SND1: variants seen among roughly 807,000 people sequenced by gnomAD.
The protein encoded by SND1 is staphylococcal nuclease and tudor domain containing 1.
In SND1, 38 loss-of-function variants were observed where a neutral mutation model predicts 121.7. That is an observed-to-expected ratio of 0.31 (90% CI 0.24 to 0.41). The LOEUF (loss-of-function observed/expected upper bound fraction) is 0.41. Ranked by LOEUF, SND1 falls within the 10% of genes least tolerant of loss-of-function variation. The pLI, the probability that SND1 is intolerant of heterozygous loss-of-function variation, is 1.00. For missense variants in SND1, 868 were observed against 1,184.6 expected, an observed-to-expected ratio of 0.73 and a Z score of 3.92; for synonymous variants, 401 against 447.4, an observed-to-expected ratio of 0.90 and a Z score of 1.31.
At chr7:127,745,273 T>C (rs1796960697) in intron 10 of SND1, among the ~76,000 whole-genome samples, 1 of 152,196 alleles carries the variant, frequency 6.6e-6, no homozygotes, top group African/African-American at 2.4e-5. Flanking sequence ...CATGTTGCAG[T>C]GCTGAATACT....
intron 16 of SND1, 89 bp downstream of exon 16, chr7:127,991,145 T>G (rs1316333892): frequency 2.4e-6 from 2 of 841,692 alleles, no homozygotes; most frequent in African/African-American, 1.7e-5. Context: ...AGTCTGTTGT[T>G]TTTTCCACTG....
intron 10 of SND1, among the ~76,000 whole-genome samples, chr7:127,802,892 A>G (rs915111004): frequency 9.2e-5 from 14 of 152,044 alleles, no homozygotes; most frequent in African/African-American, 3.4e-4. Context: ...TTCATTCCTA[A>G]CGTTCCATCC....
At chr7:127,999,279 G>A (rs1232646681) in intron 16 of SND1, 1 of 151,800 alleles carries the variant, frequency 6.6e-6, no homozygotes, top group Admixed American at 6.6e-5. Flanking sequence ...TTCAGCAGAC[G>A]CTTCCCTTCC....
intron 13 of SND1, 124 bp from the exon 14 acceptor site, chr7:127,904,623 T>C: frequency 1.5e-6 from 1 of 646,140 alleles, no homozygotes; most frequent in African/African-American, 1.8e-5. Flanking sequence ...CAGTGTACAG[T>C]GTGACTTGTG....
intron 10 of SND1, among the ~76,000 whole-genome samples, chr7:127,744,583 C>CTCA: frequency 6.6e-6 from 1 of 152,140 alleles, no homozygotes; most frequent in East Asian, 1.9e-4. Flanking sequence ...TGATGATATG[C>CTCA]TCATTTCTTC....
chr7:127,825,736 T>C (rs970160081), intron 11 of SND1, among the ~76,000 whole-genome samples: 3 of 152,054 alleles, frequency 2.0e-5, no homozygotes, highest in Admixed American at 6.6e-5. Context: ...ATATCTTCCA[T>C]GTCTCTTCTG....
intron 14 of SND1, among the ~76,000 whole-genome samples, chr7:127,917,525 C>T (rs753019312): frequency 5.3e-5 from 8 of 152,108 alleles, no homozygotes; most frequent in Middle Eastern, 3.4e-3. Flanking sequence ...CTTTTTTGCG[C>T]GGGTAGCTGT....
chr7:127,661,851 C>A (rs748920673), intron 1 of SND1, among the ~76,000 whole-genome samples: 2 of 152,124 alleles, frequency 1.3e-5, no homozygotes. Context: ...CATGGTGGCC[C>A]ACGCCTGTAA....
At chr7:128,018,219 G>C (rs1803269732) in intron 16 of SND1, among the ~76,000 whole-genome samples, 1 of 152,198 alleles carries the variant, frequency 6.6e-6, no homozygotes, top group African/African-American at 2.4e-5. Context: ...GTGCCACCCA[G>C]TCATCTTTTA....
chr7:127,667,289 C>T (rs773146623), intron 1 of SND1, among the ~76,000 whole-genome samples: 2 of 152,158 alleles, frequency 1.3e-5, no homozygotes, highest in African/African-American at 2.4e-5. Context: ...CATGACTTTA[C>T]AGGAACAAAC....
At chr7:127,935,090 T>G (rs1801032536) in intron 15 of SND1, among the ~76,000 whole-genome samples, 1 of 152,138 alleles carries the variant, frequency 6.6e-6, no homozygotes, top group African/African-American at 2.4e-5. Context: ...AACTAGTAAG[T>G]CACAGGTAAC....
At chr7:128,061,462 G>A (rs1793229778) in intron 16 of SND1, among the ~76,000 whole-genome samples, 1 of 152,224 alleles carries the variant, frequency 6.6e-6, no homozygotes, top group Non-Finnish European at 1.5e-5. Flanking sequence ...GGGTCAAGAT[G>A]CCCGGGCTAG....
At chr7:127,698,981 C>A in intron 4 of SND1, 28 bp downstream of exon 4, 1 of 1,564,992 alleles carries the variant, frequency 6.4e-7, no homozygotes, top group Non-Finnish European at 8.8e-7. Flanking sequence ...CGCTGTCTCT[C>A]TGACAGCGGT....
intron 10 of SND1, among the ~76,000 whole-genome samples, chr7:127,748,442 G>C (rs755450681): frequency 5.3e-5 from 8 of 152,182 alleles, no homozygotes; most frequent in Non-Finnish European, 1.2e-4. Context: ...AAGTCTGATT[G>C]TCTGGATCGG....
intron 16 of SND1, among the ~76,000 whole-genome samples, chr7:128,006,243 CGTGT>C (rs904325963): frequency 2.6e-5 from 4 of 151,504 alleles, no homozygotes; most frequent in Admixed American, 6.6e-5. Flanking sequence ...TGCGTGCGTG[CGTGT>C]GTGTGTGTGT....
chr7:127,849,110 T>C (rs1459529769), intron 12 of SND1, among the ~76,000 whole-genome samples: 1 of 152,234 alleles, frequency 6.6e-6, no homozygotes, highest in East Asian at 1.9e-4. Context: ...GTTCCTGGGT[T>C]GGGAATTAGC....
intron 17 of SND1, among the ~76,000 whole-genome samples, chr7:128,078,280 A>G (rs1262007279): frequency 6.6e-6 from 1 of 152,248 alleles, no homozygotes; most frequent in African/African-American, 2.4e-5. Flanking sequence ...GGTCACCTCC[A>G]TCCCCACAGG....
At chr7:127,735,835 C>A (rs1260789747) in intron 10 of SND1, among the ~76,000 whole-genome samples, 1 of 152,126 alleles carries the variant, frequency 6.6e-6, no homozygotes, top group African/African-American at 2.4e-5. Context: ...CTGTGTTGAC[C>A]AGGCTGGTCT....
intron 16 of SND1, among the ~76,000 whole-genome samples, chr7:128,035,254 G>A (rs557573408): frequency 5.9e-5 from 9 of 152,270 alleles, no homozygotes; most frequent in Admixed American, 2.0e-4. Context: ...GTTTCTTACC[G>A]CTCTCTTAGT....
Sources: gnomAD v4.1 joint callset for allele counts (sites outside exome capture counted in the v4.1 genomes callset) on GRCh38, gnomAD v4.1.1 for gene constraint, MANE v1.5 for transcripts, NCBI Gene and HGNC (gene_info 2026-07-23, HGNC 2026-07-21) for gene names.